The following PTPRD variants were observed in gnomAD, a reference collection of about 807,000 sequenced individuals.
PTPRD encodes the protein protein tyrosine phosphatase receptor type D.
Under a neutral mutation model 214.5 loss-of-function variants are expected in PTPRD, and 34 were observed. That is an observed-to-expected ratio of 0.16 (90% CI 0.12 to 0.21). The LOEUF (loss-of-function observed/expected upper bound fraction) is 0.21, where lower values mean the gene tolerates loss of function less well. Among genes scored for constraint, PTPRD ranks in the 10% least tolerant of loss-of-function variants. The pLI is 1.00. For synonymous variants in PTPRD, 1,128 were observed against 845.7 expected (o/e 1.33, Z -5.79); for missense variants, 2,545 against 2,398.7 (o/e 1.06, Z -1.27).
intron 10 of PTPRD, among the ~76,000 whole-genome samples, chr9:9,098,229 T>C (rs774963172): frequency 2.6e-5 from 4 of 152,108 alleles, no homozygotes; most frequent in African/African-American, 7.2e-5. Context: ...GCCTCCTATT[T>C]TTGACTCCTA....
At chr9:9,390,408 C>T (rs922203365) in intron 9 of PTPRD, among the ~76,000 whole-genome samples, 14 of 152,108 alleles carry the variant, frequency 9.2e-5, no homozygotes, top group Admixed American at 6.6e-5. Context: ...AATTCCTGGG[C>T]TCCATGAAAT....
At chr9:10,476,750 A>G (rs4367605) in intron 2 of PTPRD, among the ~76,000 whole-genome samples, 133,761 of 152,132 alleles carry the variant, frequency 0.88, 58,952 homozygotes, top group East Asian at 1. Context: ...ATTACAAGGC[A>G]ACAGTAACCA....
At chr9:9,219,935 A>G (rs1023913882) in intron 9 of PTPRD, among the ~76,000 whole-genome samples, 14 of 152,164 alleles carry the variant, frequency 9.2e-5, no homozygotes, top group Non-Finnish European at 2.1e-4. Flanking sequence ...TACAATTTGC[A>G]TTCTGTAGTT....
chr9:10,544,224 TG>T (rs767156432), intron 2 of PTPRD, among the ~76,000 whole-genome samples: 1 of 152,086 alleles, frequency 6.6e-6, no homozygotes, highest in Non-Finnish European at 1.5e-5. Flanking sequence ...AAATTATGTA[TG>T]GTGTCCCTAG....
At chr9:9,746,657 T>A (rs1420863524) in intron 6 of PTPRD, among the ~76,000 whole-genome samples, 1 of 152,064 alleles carries the variant, frequency 6.6e-6, no homozygotes, top group Non-Finnish European at 1.5e-5. Context: ...GGATGAGAAG[T>A]GAAATAAGGC....
chr9:9,119,447 A>G (rs1456890948), intron 10 of PTPRD, among the ~76,000 whole-genome samples: 2 of 152,168 alleles, frequency 1.3e-5, no homozygotes, highest in Non-Finnish European at 2.9e-5. Context: ...ATTCATATTG[A>G]AATCCAGGCA....
At chr9:10,220,405 T>A (rs1200441791) in intron 3 of PTPRD, among the ~76,000 whole-genome samples, 1 of 151,948 alleles carries the variant, frequency 6.6e-6, no homozygotes, top group Non-Finnish European at 1.5e-5. Context: ...ACTACTCACG[T>A]AACTTTACAT....
At chr9:8,701,655 A>C (rs2098087176) in intron 12 of PTPRD, 1 of 151,906 alleles carries the variant, frequency 6.6e-6, no homozygotes, top group Admixed American at 6.6e-5. Flanking sequence ...AATAATAATA[A>C]TTTCCCAAAG....
intron 10 of PTPRD, among the ~76,000 whole-genome samples, chr9:9,164,900 G>A (rs1420942017): frequency 7.1e-6 from 1 of 140,286 alleles, no homozygotes; most frequent in Non-Finnish European, 1.6e-5. Flanking sequence ...AAACCAACCA[G>A]AAATTAGCCG....
At chr9:9,604,766 G>C (rs202114776) in intron 7 of PTPRD, among the ~76,000 whole-genome samples, 3 of 151,734 alleles carry the variant, frequency 2.0e-5, no homozygotes, top group Non-Finnish European at 4.4e-5. Context: ...CCATTTCTAT[G>C]GCTAAAAGTT....
chr9:10,053,835 T>C (rs2097576208), intron 3 of PTPRD, among the ~76,000 whole-genome samples: 1 of 152,290 alleles, frequency 6.6e-6, no homozygotes, highest in South Asian at 2.1e-4. Flanking sequence ...CTTGGCTCAC[T>C]GCAACCTCCG....
intron 39 of PTPRD, among the ~76,000 whole-genome samples, chr9:8,360,364 A>T (rs919978884): frequency 6.6e-6 from 1 of 152,232 alleles, no homozygotes; most frequent in Non-Finnish European, 1.5e-5. Flanking sequence ...TCATACTCAA[A>T]TAAGAGTTCT....
chr9:10,446,222 C>A (rs914107851), intron 2 of PTPRD, among the ~76,000 whole-genome samples: 1 of 151,644 alleles, frequency 6.6e-6, no homozygotes, highest in African/African-American at 2.4e-5. Context: ...TATTTGACAG[C>A]TTTGACTTAA....
chr9:9,922,127 G>C (rs2082722953), intron 5 of PTPRD, among the ~76,000 whole-genome samples: 1 of 152,072 alleles, frequency 6.6e-6, no homozygotes, highest in Admixed American at 6.6e-5. Context: ...ACTCAGAGAA[G>C]CTGTGAGCAA....
chr9:10,397,349 G>A (rs560809202), intron 2 of PTPRD, among the ~76,000 whole-genome samples: 8 of 152,078 alleles, frequency 5.3e-5, no homozygotes, highest in Middle Eastern at 3.4e-3. Context: ...AAGTGTCCCA[G>A]CAAGTAACTA....
chr9:9,701,919 G>A (rs2097511369), intron 7 of PTPRD, among the ~76,000 whole-genome samples: 1 of 152,126 alleles, frequency 6.6e-6, no homozygotes, highest in African/African-American at 2.4e-5. Context: ...AGGAGTTCAA[G>A]ACAAGCCTGG....
At chr9:8,802,184 A>G (rs1399922065) in intron 11 of PTPRD, among the ~76,000 whole-genome samples, 1 of 152,178 alleles carries the variant, frequency 6.6e-6, no homozygotes, top group Non-Finnish European at 1.5e-5. Flanking sequence ...CTAACTAGAG[A>G]AAGAAATACA....
chr9:8,738,713 T>C (rs943155680), intron 11 of PTPRD, among the ~76,000 whole-genome samples: 3 of 152,050 alleles, frequency 2.0e-5, no homozygotes, highest in African/African-American at 7.2e-5. Context: ...AGGAGAAAGT[T>C]AGAGAACCAA....
Position 10,023,370 on chromosome 9 carries a change from G to A in PTPRD, c.-472+10348C>T, listed in dbSNP as rs142514278. Among the ~76,000 whole-genome samples, 32 of 152,222 alleles carry A rather than the reference G, an allele frequency of 2.1e-4. No homozygotes were observed. In the East Asian group the frequency reaches 6.0e-3, roughly 29 times the overall value. On this transcript the variant is annotated intron_variant, in intron 4 of 45. Coordinates refer to ENST00000381196, the MANE Select transcript of PTPRD (RefSeq NM_002839.4). Reference sequence around the variant, plus strand: ...CCACAGACATGTATGCCTGAATAATGGGGTATTATAAACTGAAAAGCAAGG... The same window carrying A: ...CCACAGACATGTATGCCTGAATAATAGGGTATTATAAACTGAAAAGCAAGG...
Sources: allele counts gnomAD v4.1 joint callset (sites outside exome capture counted in the v4.1 genomes callset), GRCh38; gene constraint gnomAD v4.1.1; transcripts MANE v1.5; gene names NCBI Gene and HGNC (gene_info 2026-07-23, HGNC 2026-07-21).